TAOK1: variants seen among roughly 807,000 people sequenced by gnomAD.
The protein encoded by TAOK1 is serine/threonine-protein kinase TAO1.
In TAOK1, 21 loss-of-function variants were observed where a neutral mutation model predicts 138.3. The ratio of observed to expected loss-of-function variants is 0.15; its 90% CI spans 0.11 to 0.22. The LOEUF (loss-of-function observed/expected upper bound fraction) is 0.22, where lower values mean the gene tolerates loss of function less well. Among genes scored for constraint, TAOK1 ranks in the 10% least tolerant of loss-of-function variants. The probability of loss-of-function intolerance (pLI) is 1.00; values close to 1 mark genes in which losing one functional copy is unlikely to be tolerated. For missense variants in TAOK1, 651 were observed against 1,227.7 expected (o/e 0.53, Z 7.02); for synonymous variants, 361 against 398.4 (o/e 0.91, Z 1.12).
At chr17:29,534,928 G>GGTGTGTGTGTGTGTGTGT (rs71138832) in intron 19 of TAOK1, among the ~76,000 whole-genome samples, 7 of 147,222 alleles carry the variant, frequency 4.8e-5, no homozygotes, top group African/African-American at 7.6e-5. Flanking sequence ...AGGATACTAA[G>GGTGTGTGTGTGTGTGTGT]GTGTGTGTGT....
rs533680408 is a variant in TAOK1 at position 29,502,829 on chromosome 17, C to T, written c.1338+106C>T. 1.2e-4 allele frequency: 145 copies of T among 1,245,492 alleles called. 1 individual carries two copies. The highest frequency in any genetic ancestry group is 1.8e-4 in the East Asian group (7 of 39,564). The allele number at this position is 1,245,492 out of a possible 1,614,324, so 77.2% of individuals were successfully genotyped here. ...TGTTTTGTATTTGGGTTTTATTTTA[C>T]GAAATACTCATTTAATATTTAAGTG... On this transcript the variant is annotated intron_variant, in intron 13 of 19. Transcript: ENST00000261716.
In TAOK1 at chr17:29,524,327, G is replaced by A. The variant is rs117135554; in HGVS notation, c.2148+1808G>A. 2.3e-4 allele frequency among the ~76,000 whole-genome samples: 35 copies of A among 152,232 alleles called. No homozygotes were observed. In the East Asian group the frequency reaches 3.3e-3, roughly 14 times the overall value. On this transcript the variant is annotated intron_variant, in intron 17 of 19. Transcript: ENST00000261716. ...TTATGATTTTAAAGCCAACAGCACC[G>A]AGGAATAAACCAAACTGAAAGTCAT...
intron 19 of TAOK1, among the ~76,000 whole-genome samples, chr17:29,542,201 G>A (rs968254345): frequency 6.6e-6 from 1 of 152,074 alleles, no homozygotes; most frequent in Admixed American, 6.6e-5. Context: ...TATATCCATA[G>A]CATCAAATAA....
intron 5 of TAOK1, 115 bp downstream of exon 5, chr17:29,477,821 C>A: frequency 1.9e-6 from 1 of 513,230 alleles, no homozygotes. Flanking sequence ...AAGAGCAGAA[C>A]TCTTAGTCTT....
chr17:29,546,077 C>G lies in TAOK1; in HGVS notation c.*3055C>G, dbSNP rs545222301. ...TTTCCTCCCCTTATTGAAGTCAGCT[C>G]TAACCCCAAATTCTAGTATCCAAAA... On this transcript the variant is annotated 3_prime_UTR_variant, in exon 20 of 20. Coordinates refer to ENST00000261716, the MANE Select transcript of TAOK1 (RefSeq NM_020791.4). The G allele has an allele frequency of 1.3e-5, 2 of 152,204 alleles. No individual in the cohort carries two copies. Among genetic ancestry groups the G allele is most frequent in the African/African-American group, 4.8e-5 (2 of 41,560 alleles). The allele number at this position is 152,204 out of a possible 1,614,324, so 9.4% of individuals were successfully genotyped here.
intron 2 of TAOK1, among the ~76,000 whole-genome samples, chr17:29,466,208 G>A (rs561192980): frequency 7.1e-4 from 108 of 152,188 alleles, no homozygotes; most frequent in Non-Finnish European, 1.4e-3. Flanking sequence ...CAGTGGCACG[G>A]TCATGGCTCA....
At chr17:29,475,442 A>C (rs2030924048) in intron 3 of TAOK1, among the ~76,000 whole-genome samples, 1 of 152,102 alleles carries the variant, frequency 6.6e-6, no homozygotes, top group South Asian at 2.1e-4. Context: ...TGGGAGGCTG[A>C]GGTGGGAGGA....
chr17:29,486,520 C>T (rs1328243408), intron 8 of TAOK1, among the ~76,000 whole-genome samples: 1 of 151,966 alleles, frequency 6.6e-6, no homozygotes, highest in Non-Finnish European at 1.5e-5. Context: ...GTAATCCCAG[C>T]TACTTGGGAG....
At chr17:29,486,275 C>CAAGA (rs1412025069) in intron 8 of TAOK1, among the ~76,000 whole-genome samples, 2 of 151,786 alleles carry the variant, frequency 1.3e-5, no homozygotes, top group African/African-American at 4.8e-5. Context: ...GGTGACAGAC[C>CAAGA]AAGACTTTAT....
intron 19 of TAOK1, among the ~76,000 whole-genome samples, chr17:29,541,205 G>A (rs375757179): frequency 1.3e-5 from 2 of 151,384 alleles, no homozygotes; most frequent in Non-Finnish European, 2.9e-5. Flanking sequence ...TGCCTGCCAG[G>A]TTCAAGTGAT....
chr17:29,549,952 G>T lies in TAOK1; in HGVS notation c.*6930G>T, dbSNP rs534173820. On this transcript the variant is annotated 3_prime_UTR_variant, in exon 20 of 20. Transcript: ENST00000261716. ...CCTCCAATTAATTACATGTGTCCAAGAATAATCCAAGCTAGAGACACAAGG... is the reference window on the plus strand; with the variant it reads ...CCTCCAATTAATTACATGTGTCCAATAATAATCCAAGCTAGAGACACAAGG... 2 of 151,008 alleles carry T rather than the reference G, an allele frequency of 1.3e-5. No homozygotes were observed. The highest frequency in any genetic ancestry group is 3.0e-5 in the Non-Finnish European group (2 of 67,764). The allele number at this position is 151,008 out of a possible 1,614,324, so 9.4% of individuals were successfully genotyped here. A position where few individuals can be genotyped will look rare whatever the true frequency, so the allele number is the denominator to read the frequency against.
intron 17 of TAOK1, among the ~76,000 whole-genome samples, chr17:29,523,663 G>A (rs1227077137): frequency 6.6e-6 from 1 of 152,132 alleles, no homozygotes; most frequent in African/African-American, 2.4e-5. Flanking sequence ...TGGGATTACA[G>A]GCATGAACCA....
At chr17:29,522,231 G>T (rs755707535) in intron 16 of TAOK1, 49 bp from the exon 17 acceptor site, 1 of 1,585,084 alleles carries the variant, frequency 6.3e-7, no homozygotes, top group Non-Finnish European at 8.6e-7. Flanking sequence ...CTTTTTTCTG[G>T]CATTATACAG....
At chr17:29,397,656 T>A (rs1369748630) in intron 1 of TAOK1, among the ~76,000 whole-genome samples, 29 of 127,812 alleles carry the variant, frequency 2.3e-4, no homozygotes, top group African/African-American at 5.6e-4. Context: ...ATATGTATAT[T>A]CATGTATGAT....
chr17:29,526,380 G>T (rs1292167347), intron 17 of TAOK1, among the ~76,000 whole-genome samples: 1 of 151,766 alleles, frequency 6.6e-6, no homozygotes, highest in African/African-American at 2.4e-5. Flanking sequence ...TTTCATTTCT[G>T]TCTAGAAGCA....
In TAOK1 at chr17:29,543,059, C is replaced by A. The variant is rs1479397826; in HGVS notation, c.*37C>A. The A allele has an allele frequency of 2.7e-6, 4 of 1,491,288 alleles. No individual in the cohort carries two copies. The East Asian group carries it at 9.8e-5, about 37-fold the overall frequency. The allele number at this position is 1,491,288 out of a possible 1,614,324, so 92.4% of individuals were successfully genotyped here. On this transcript the variant is annotated 3_prime_UTR_variant, in exon 20 of 20. Coordinates refer to ENST00000261716, the MANE Select transcript of TAOK1 (RefSeq NM_020791.4). ...AGAGTGGCAATTCCGCTGGAGCTGT[C>A]TGCCAAAAGAAACTGCCTACAGACA...
chr17:29,430,589 G>GAGTC (rs1905795858), intron 1 of TAOK1, among the ~76,000 whole-genome samples: 1 of 152,170 alleles, frequency 6.6e-6, no homozygotes, highest in Admixed American at 6.5e-5. Context: ...AGGTCAAAGG[G>GAGTC]AGTCGCCTCT....
chr17:29,450,805 T>C (rs1478307883), intron 1 of TAOK1, among the ~76,000 whole-genome samples: 1 of 152,282 alleles, frequency 6.6e-6, no homozygotes, highest in East Asian at 1.9e-4. Flanking sequence ...CATGAGCCAC[T>C]GAGTCTGGCT....
intron 8 of TAOK1, among the ~76,000 whole-genome samples, chr17:29,486,652 T>A (rs2031180064): frequency 6.6e-6 from 1 of 152,128 alleles, no homozygotes; most frequent in African/African-American, 2.4e-5. Flanking sequence ...AAAAAGTTAT[T>A]TGAATTTATG....
Sources: gnomAD v4.1 joint callset for allele counts (sites outside exome capture counted in the v4.1 genomes callset) on GRCh38, gnomAD v4.1.1 for gene constraint, MANE v1.5 for transcripts, NCBI Gene and HGNC (gene_info 2026-07-23, HGNC 2026-07-21) for gene names.